Variants in DHX9 observed in about 807,000 individuals in gnomAD.
DHX9 encodes the protein ATP-dependent RNA helicase A.
DHX9 carries 27 observed loss-of-function variants against 148.7 expected under a neutral mutation model. The observed-to-expected ratio is 0.18, with a 90% confidence interval of 0.13 to 0.25. The LOEUF is 0.25. Ranked by LOEUF, DHX9 falls within the 10% of genes least tolerant of loss-of-function variation. The pLI, the probability that DHX9 is intolerant of heterozygous loss-of-function variation, is 1.00. For synonymous variants in DHX9, 529 were observed against 516.6 expected (o/e 1.02, Z -0.33); for missense variants, 796 against 1,559.6 (o/e 0.51, Z 8.25).
intron 14 of DHX9, among the ~76,000 whole-genome samples, chr1:182,869,217 G>C (rs1219381046): frequency 5.9e-5 from 9 of 152,158 alleles, no homozygotes; most frequent in Non-Finnish European, 1.3e-4. Flanking sequence ...TGAGGTCTGT[G>C]TACTATTCAC....
At chr1:182,863,319 C>T (rs1210969776) in intron 12 of DHX9, among the ~76,000 whole-genome samples, 1 of 152,028 alleles carries the variant, frequency 6.6e-6, no homozygotes, top group Non-Finnish European at 1.5e-5. Context: ...CCTTTTTGAA[C>T]TTGTGTTTTT....
rs1052263810 is a variant in DHX9 at position 182,876,084 on chromosome 1, G to A, written c.1850G>A (p.Gly617Asp). The A allele has an allele frequency of 1.2e-6, 2 of 1,613,830 alleles. No individual in the cohort carries two copies. Among genetic ancestry groups the A allele is most frequent in the East Asian group, 2.2e-5 (1 of 44,856 alleles). The change falls in exon 17 of 28, where the codon GGT becomes GAT. Residue 617 changes from glycine to aspartate, a missense_variant. Gly to Asp is a moderately conservative substitution (Grantham distance 94). Around this residue, in one of 14 missense-constraint regions of DHX9, gnomAD observed 133 missense variants for 223.8 expected, o/e 0.59. Transcript: ENST00000367549. ...AACTTGATCTGTGGTGATGAATATG[G>A]TCCAGAAACAAGGTTGAGCATGTCT... ...NCNLICGDEYGPETRLSMSQL... is the reference protein window; with the variant it reads ...NCNLICGDEYDPETRLSMSQL...
At chr1:182,841,022 G>A (rs1221451594) in intron 1 of DHX9, among the ~76,000 whole-genome samples, 2 of 152,200 alleles carry the variant, frequency 1.3e-5, no homozygotes, top group Non-Finnish European at 1.5e-5. Flanking sequence ...GGCGGGCGCG[G>A]TGGCTGACGC....
intron 7 of DHX9, among the ~76,000 whole-genome samples, chr1:182,857,061 A>G (rs758582750): frequency 1.8e-4 from 27 of 152,144 alleles, no homozygotes; most frequent in Non-Finnish European, 2.6e-4. Flanking sequence ...ATGTTAGCAG[A>G]TGGTCTCTAT....
chr1:182,885,210 T>G (rs1649268572), intron 27 of DHX9, among the ~76,000 whole-genome samples: 1 of 152,248 alleles, frequency 6.6e-6, no homozygotes, highest in Non-Finnish European at 1.5e-5. Context: ...TATGTGTTTT[T>G]GTTTATCTTA....
At position 182,859,884 on chromosome 1, in the gene DHX9, G is replaced by A. The variant is rs1038309862; in HGVS notation, c.1141-109G>A. ...CTCCCAAAGTGCTGGGATTACAGGC[G>A]TGAGCCACCGCGCCCAGTCTATAGA... On this transcript the variant is annotated intron_variant, in intron 11 of 27. Transcript: ENST00000367549. The A allele has an allele frequency of 8.5e-5, 90 of 1,058,532 alleles. No individual in the cohort carries two copies. In the Admixed American group the frequency reaches 1.9e-3, roughly 22 times the overall value. The allele number at this position is 1,058,532 out of a possible 1,614,324, so 65.6% of individuals were successfully genotyped here.
chr1:182,842,823 A>G (rs1456875842), intron 2 of DHX9, 146 bp downstream of exon 2: 1 of 573,416 alleles, frequency 1.7e-6, no homozygotes, highest in African/African-American at 1.9e-5. Flanking sequence ...ATTGTAAATC[A>G]TTTTCAAGTC....
chr1:182,878,232 A>C (rs1351108186), intron 20 of DHX9, 59 bp downstream of exon 20: 1 of 1,585,774 alleles, frequency 6.3e-7, no homozygotes, highest in Admixed American at 1.7e-5. Flanking sequence ...GTAGGGACAG[A>C]TGTGTGCAGT....
rs531053883 is a variant in DHX9, at chr1:182,844,091, G to A, written c.252+657G>A. ...AGCCTCCGAGTAGCTGGGATTACAG[G>A]CACGCTCCATGATGCCCAGCTATTT... On this transcript the variant is annotated intron_variant, in intron 3 of 27. Coordinates refer to ENST00000367549, the MANE Select transcript of DHX9 (RefSeq NM_001357.5). Among the ~76,000 whole-genome samples the A allele has an allele frequency of 2.6e-5, 4 of 152,216 alleles. No homozygotes were observed. In the South Asian group the frequency reaches 8.3e-4, roughly 32 times the overall value.
chr1:182,877,207 C>G (rs1232566989), intron 19 of DHX9, among the ~76,000 whole-genome samples: 1 of 152,086 alleles, frequency 6.6e-6, no homozygotes, highest in Non-Finnish European at 1.5e-5. Flanking sequence ...CACTGCCATA[C>G]TATAGCATGC....
intron 3 of DHX9, among the ~76,000 whole-genome samples, chr1:182,846,860 A>G (rs971585800): frequency 6.6e-6 from 1 of 151,696 alleles, no homozygotes; most frequent in African/African-American, 2.4e-5. Flanking sequence ...TTATATTTAT[A>G]AAGACTTGAT....
At chr1:182,849,121 T>C (rs1266465289) in intron 3 of DHX9, among the ~76,000 whole-genome samples, 1 of 152,256 alleles carries the variant, frequency 6.6e-6, no homozygotes, top group Admixed American at 6.5e-5. Flanking sequence ...AGGGAAATCC[T>C]TTTTCATAAT....
intron 3 of DHX9, among the ~76,000 whole-genome samples, chr1:182,844,195 A>G (rs1667984334): frequency 6.6e-6 from 1 of 151,952 alleles, no homozygotes; most frequent in Non-Finnish European, 1.5e-5. Flanking sequence ...TGATCCATCC[A>G]CCCACTTCCG....
Position 182,852,230 on chromosome 1 carries a change from C to T in DHX9, c.253-3C>T, listed in dbSNP as rs775470115. 4.4e-6 allele frequency: 7 copies of T among 1,593,478 alleles called. No individual in the cohort carries two copies. The highest frequency in any genetic ancestry group is 3.4e-5 in the South Asian group (3 of 87,774). ...ACAGCTGCCTTGACTTTTTCTTTTGCAGGTAGCATCTCCGCCCCCACTTAC... is the reference window on the plus strand; with the variant it reads ...ACAGCTGCCTTGACTTTTTCTTTTGTAGGTAGCATCTCCGCCCCCACTTAC... On this transcript the variant is annotated splice_polypyrimidine_tract_variant and splice_region_variant and intron_variant, in intron 3 of 27. Coordinates refer to ENST00000367549, the MANE Select transcript of DHX9 (RefSeq NM_001357.5).
In DHX9 at chr1:182,881,384, C is replaced by T. The variant is rs781024817; in HGVS notation, c.2745C>T (p.His915=). Residue 915 remains histidine (H), a synonymous_variant, in exon 23 of 28, where the codon CAC becomes CAT. Transcript: ENST00000367549. ...RNFAGNRFSD[H]VALLSVFQAW... ...TTGCTGGAAACAGATTTTCTGATCA[C>T]GTAGCCCTTTTATCAGTATTCCAAG... The T allele has an allele frequency of 1.3e-5, 21 of 1,614,186 alleles. No homozygotes were observed. In the South Asian group the frequency reaches 1.8e-4, roughly 14 times the overall value.
chr1:182,862,980 A>G (rs1225337171), intron 12 of DHX9, among the ~76,000 whole-genome samples: 2 of 152,186 alleles, frequency 1.3e-5, no homozygotes, highest in Admixed American at 1.3e-4. Context: ...ACCTACTACT[A>G]TGGCTGGACT....
At chr1:182,860,731 A>G (rs1668346352) in intron 12 of DHX9, among the ~76,000 whole-genome samples, 1 of 152,308 alleles carries the variant, frequency 6.6e-6, no homozygotes, top group African/African-American at 2.4e-5. Context: ...AAACCAAGCA[A>G]TCCGCCTTTT....
intron 14 of DHX9, among the ~76,000 whole-genome samples, chr1:182,869,133 G>T (rs1311863304): frequency 6.6e-6 from 1 of 152,178 alleles, no homozygotes. Context: ...AACTTAAGAT[G>T]TAAGTCTGGG....
At position 182,887,747 on chromosome 1, in the gene DHX9, GA is replaced by G. The variant is rs1649402081; in HGVS notation, c.*315del. The G allele has an allele frequency of 4.0e-6, 1 of 251,440 alleles. No individual in the cohort carries two copies. The highest frequency in any genetic ancestry group is 7.8e-6 in the Non-Finnish European group (1 of 128,936). 15.6% of individuals were successfully genotyped at this position (251,440 alleles called of 1,614,324 possible). On this transcript the variant is annotated 3_prime_UTR_variant, in exon 28 of 28. Transcript: ENST00000367549. The stretch of plus-strand genomic sequence containing the variant: ...ACAATAGAAAATAAAGTATTACACC[GA>G]ATACTTGCCGTGTAGTTTGTTTGTT...
Sources: gnomAD v4.1 joint callset for allele counts (sites outside exome capture counted in the v4.1 genomes callset) on GRCh38, gnomAD v4.1.1 for gene constraint, gnomAD v4.1.1 regional missense constraint, MANE v1.5 for transcripts, NCBI Gene and HGNC (gene_info 2026-07-23, HGNC 2026-07-21) for gene names.